The following DGKB variants were observed in gnomAD, a reference collection of about 807,000 sequenced individuals.
The protein encoded by DGKB is 90 kDa diacylglycerol kinase.
DGKB carries 67 observed loss-of-function variants against 114.3 expected under a neutral mutation model. The ratio of observed to expected loss-of-function variants is 0.59; its 90% CI spans 0.48 to 0.72. The LOEUF is 0.72. Among genes scored for constraint, DGKB ranks in the 30% least tolerant of loss-of-function variants. The pLI, the probability that DGKB is intolerant of heterozygous loss-of-function variation, is 0.00. For synonymous variants in DGKB, 398 were observed against 323.1 expected (o/e 1.23, Z -2.49); for missense variants, 907 against 975.2 (o/e 0.93, Z 0.93).
chr7:14,510,522 C>T (rs746922562), intron 20 of DGKB, among the ~76,000 whole-genome samples: 7 of 152,090 alleles, frequency 4.6e-5, no homozygotes, highest in African/African-American at 1.2e-4. Flanking sequence ...ATTTCTACCA[C>T]GTATGCAGTT....
At chr7:14,771,068 A>T (rs950313885) in intron 2 of DGKB, among the ~76,000 whole-genome samples, 33 of 152,106 alleles carry the variant, frequency 2.2e-4, no homozygotes, top group African/African-American at 7.7e-4. Context: ...TGAACTCCCC[A>T]AATCTCTTTG....
intron 12 of DGKB, among the ~76,000 whole-genome samples, chr7:14,676,698 A>T (rs1819918486): frequency 6.6e-6 from 1 of 152,078 alleles, no homozygotes; most frequent in Admixed American, 6.6e-5. Flanking sequence ...TGTAAATAAG[A>T]TGCTGAAGGC....
At position 14,866,153 on chromosome 7, in the gene DGKB, C is replaced by T. The variant is rs114514861; in HGVS notation, c.-187-24703G>A. On this transcript the variant is annotated intron_variant, in intron 1 of 25. Transcript: ENST00000402815. The stretch of plus-strand genomic sequence containing the variant: ...TCATAGCAAAACTAAGAGGAAGGTA[C>T]GGCGATTTTTCTCATATCCCTGCCC... 5.9e-3 allele frequency among the ~76,000 whole-genome samples: 902 copies of T among 152,154 alleles called. 12 individuals carry two copies. The highest frequency in any genetic ancestry group is 0.02 in the African/African-American group (828 of 41,514).
intron 23 of DGKB, among the ~76,000 whole-genome samples, chr7:14,308,306 T>G (rs567244544): frequency 6.6e-6 from 1 of 152,212 alleles, no homozygotes; most frequent in East Asian, 1.9e-4. Flanking sequence ...TTATTTATCC[T>G]TATGCAATGA....
intron 1 of DGKB, among the ~76,000 whole-genome samples, chr7:14,960,407 T>C (rs1786773715): frequency 1.3e-5 from 2 of 152,056 alleles, no homozygotes; most frequent in Admixed American, 6.6e-5. Context: ...AGGACTTACA[T>C]TTATATACTA....
intron 1 of DGKB, among the ~76,000 whole-genome samples, chr7:14,945,703 G>A (rs1010877921): frequency 6.6e-6 from 1 of 151,336 alleles, no homozygotes; most frequent in Non-Finnish European, 1.5e-5. Flanking sequence ...TCTATTAATA[G>A]AAATATAACT....
intron 21 of DGKB, among the ~76,000 whole-genome samples, chr7:14,416,290 C>A (rs1452090879): frequency 6.6e-6 from 1 of 151,824 alleles, no homozygotes; most frequent in Non-Finnish European, 1.5e-5. Context: ...ATGTTTTTTT[C>A]AGTTATGTTT....
At chr7:14,605,718 T>C (rs1269509543) in intron 17 of DGKB, among the ~76,000 whole-genome samples, 1 of 152,042 alleles carries the variant, frequency 6.6e-6, no homozygotes, top group Non-Finnish European at 1.5e-5. Context: ...AGAACAGGGC[T>C]AAAATCAAAT....
At chr7:14,248,396 G>A (rs1459921173) in intron 23 of DGKB, among the ~76,000 whole-genome samples, 1 of 151,954 alleles carries the variant, frequency 6.6e-6, no homozygotes, top group Non-Finnish European at 1.5e-5. Context: ...AAATGCCATT[G>A]GAATTTTGGT....
chr7:14,824,654 A>G (rs2128108076), intron 2 of DGKB, among the ~76,000 whole-genome samples: 1 of 152,208 alleles, frequency 6.6e-6, no homozygotes, highest in East Asian at 1.9e-4. Context: ...GCACGTCACA[A>G]CATATTTTCT....
intron 23 of DGKB, among the ~76,000 whole-genome samples, chr7:14,243,407 CGG>C (rs921509996): frequency 1.3e-5 from 2 of 152,034 alleles, no homozygotes; most frequent in Admixed American, 6.6e-5. Context: ...TCAAGCAATG[CGG>C]AGACATTAAA....
At chr7:14,910,204 G>A (rs1587362362) in intron 1 of DGKB, among the ~76,000 whole-genome samples, 1 of 150,660 alleles carries the variant, frequency 6.6e-6, no homozygotes, top group Non-Finnish European at 1.5e-5. Flanking sequence ...TTGCGTCATT[G>A]CACTCCAGCC....
intron 1 of DGKB, among the ~76,000 whole-genome samples, chr7:14,934,059 T>TTTG (rs1179405493): frequency 6.6e-6 from 1 of 152,086 alleles, no homozygotes; most frequent in Non-Finnish European, 1.5e-5. Flanking sequence ...TGAATACCCT[T>TTTG]TTGTTGTTTT....
intron 23 of DGKB, among the ~76,000 whole-genome samples, chr7:14,234,084 A>G (rs542640495): frequency 3.2e-4 from 48 of 152,202 alleles, no homozygotes; most frequent in African/African-American, 1.1e-3. Flanking sequence ...ACCTCTGGCT[A>G]TGAGTTCTTT....
chr7:14,802,166 A>G (rs1842259053), intron 2 of DGKB, among the ~76,000 whole-genome samples: 1 of 152,088 alleles, frequency 6.6e-6, no homozygotes, highest in Non-Finnish European at 1.5e-5. Context: ...TTTATTACAA[A>G]CTATAAAGAT....
At chr7:14,819,496 G>A (rs1235879790) in intron 2 of DGKB, among the ~76,000 whole-genome samples, 1 of 152,054 alleles carries the variant, frequency 6.6e-6, no homozygotes, top group African/African-American at 2.4e-5. Flanking sequence ...AGGCTGAGGT[G>A]GAAGGATTAC....
At chr7:14,484,222 A>G (rs75957415) in intron 20 of DGKB, among the ~76,000 whole-genome samples, 13,515 of 152,126 alleles carry the variant, frequency 0.089, 1,001 homozygotes, top group East Asian at 0.45. Flanking sequence ...ATATATGTCA[A>G]CTCCACAAAG....
intron 20 of DGKB, among the ~76,000 whole-genome samples, chr7:14,549,816 G>A (rs764837411): frequency 1.7e-4 from 26 of 152,014 alleles, no homozygotes; most frequent in African/African-American, 4.6e-4. Context: ...GTGAAACCCC[G>A]TCTCTACTAA....
intron 2 of DGKB, among the ~76,000 whole-genome samples, chr7:14,807,632 T>A (rs1284831596): frequency 6.6e-6 from 1 of 151,992 alleles, no homozygotes; most frequent in South Asian, 2.1e-4. Flanking sequence ...TAGAAAGAGA[T>A]AGATTTGAAC....
Sources: gnomAD v4.1 joint callset for allele counts (sites outside exome capture counted in the v4.1 genomes callset) on GRCh38, gnomAD v4.1.1 for gene constraint, MANE v1.5 for transcripts, NCBI Gene and HGNC (gene_info 2026-07-23, HGNC 2026-07-21) for gene names.